The following LRRC4C variants were observed in gnomAD, a reference collection of about 807,000 sequenced individuals.
LRRC4C encodes the protein leucine-rich repeat-containing protein 4C.
Under a neutral mutation model 33.6 loss-of-function variants are expected in LRRC4C, and 5 were observed. That is an observed-to-expected ratio of 0.15 (90% CI 0.08 to 0.31). LRRC4C has a LOEUF of 0.31. LRRC4C is among the 10% of genes least tolerant of loss of function. LRRC4C has a pLI of 1.00. For synonymous variants in LRRC4C, 329 were observed against 302.0 expected (o/e 1.09, Z -0.93); for missense variants, 560 against 796.7 (o/e 0.70, Z 3.58).
intron 3 of LRRC4C, among the ~76,000 whole-genome samples, chr11:40,323,639 G>C (rs1239941493): frequency 6.6e-6 from 1 of 152,170 alleles, no homozygotes; most frequent in Non-Finnish European, 1.5e-5. Context: ...TTATTCTCAT[G>C]TCTGGGGTTG....
intron 5 of LRRC4C, among the ~76,000 whole-genome samples, chr11:40,179,689 A>G (rs1860822617): frequency 6.6e-6 from 1 of 152,170 alleles, no homozygotes; most frequent in Non-Finnish European, 1.5e-5. Flanking sequence ...CAGTTAAATG[A>G]TCACTGAGAG....
intron 1 of LRRC4C, among the ~76,000 whole-genome samples, chr11:41,164,717 T>G (rs1944639795): frequency 6.6e-6 from 1 of 152,272 alleles, no homozygotes; most frequent in South Asian, 2.1e-4. Context: ...TGGGAGAAGC[T>G]GAGGCAGGGC....
At chr11:40,748,909 G>T (rs1266757589) in intron 2 of LRRC4C, among the ~76,000 whole-genome samples, 1 of 151,986 alleles carries the variant, frequency 6.6e-6, no homozygotes, top group Non-Finnish European at 1.5e-5. Context: ...TAATTAAAAA[G>T]GGATCACTGC....
chr11:40,749,251 A>G (rs989954177), intron 2 of LRRC4C, among the ~76,000 whole-genome samples: 3 of 152,158 alleles, frequency 2.0e-5, no homozygotes, highest in African/African-American at 7.2e-5. Context: ...ATTTACTTTA[A>G]GTGAAATCAT....
intron 3 of LRRC4C, among the ~76,000 whole-genome samples, chr11:40,486,674 GAC>G (rs1181212307): frequency 6.6e-6 from 1 of 151,972 alleles, no homozygotes; most frequent in Non-Finnish European, 1.5e-5. Context: ...AAACAATTAT[GAC>G]ACATACAACT....
At chr11:40,415,148 A>T (rs1283950225) in intron 3 of LRRC4C, among the ~76,000 whole-genome samples, 2 of 152,148 alleles carry the variant, frequency 1.3e-5, no homozygotes, top group African/African-American at 4.8e-5. Context: ...TGGCTTAATT[A>T]TGGAGGCATA....
At chr11:40,916,902 A>C (rs1330950830) in intron 2 of LRRC4C, among the ~76,000 whole-genome samples, 1 of 152,072 alleles carries the variant, frequency 6.6e-6, no homozygotes, top group Non-Finnish European at 1.5e-5. Flanking sequence ...ACATGAATTT[A>C]TGCAATTGCA....
At chr11:41,209,142 G>A (rs994676422) in intron 1 of LRRC4C, among the ~76,000 whole-genome samples, 11 of 150,976 alleles carry the variant, frequency 7.3e-5, no homozygotes, top group South Asian at 2.1e-4. Context: ...ACACTAAACC[G>A]CTGAGTCACA....
At chr11:40,840,770 T>A (rs2135639906) in intron 2 of LRRC4C, among the ~76,000 whole-genome samples, 1 of 152,324 alleles carries the variant, frequency 6.6e-6, no homozygotes, top group East Asian at 1.9e-4. Context: ...TTCCAAGGGC[T>A]TATGAATAAA....
chr11:40,450,822 C>T (rs1951849845), intron 3 of LRRC4C, among the ~76,000 whole-genome samples: 1 of 149,574 alleles, frequency 6.7e-6, no homozygotes, highest in African/African-American at 2.4e-5. Flanking sequence ...GCTCTCTAAG[C>T]CCAATGTAAT....
chr11:40,647,635 C>T (rs1033432649), intron 3 of LRRC4C, among the ~76,000 whole-genome samples: 7 of 152,206 alleles, frequency 4.6e-5, no homozygotes, highest in Admixed American at 1.3e-4. Flanking sequence ...CCACATAAAG[C>T]TTTCCGATCT....
chr11:41,437,081 G>A (rs1955452932), intron 1 of LRRC4C, among the ~76,000 whole-genome samples: 1 of 152,110 alleles, frequency 6.6e-6, no homozygotes, highest in African/African-American at 2.4e-5. Flanking sequence ...GTTACTAAAT[G>A]TAACATAACA....
At chr11:40,982,685 A>AG (rs1852628795) in intron 1 of LRRC4C, among the ~76,000 whole-genome samples, 1 of 152,142 alleles carries the variant, frequency 6.6e-6, no homozygotes, top group South Asian at 2.1e-4. Context: ...TTATAACTTA[A>AG]GGGGTACATT....
chr11:40,661,203 G>C (rs1261423007), intron 2 of LRRC4C, among the ~76,000 whole-genome samples: 1 of 151,778 alleles, frequency 6.6e-6, no homozygotes, highest in Non-Finnish European at 1.5e-5. Flanking sequence ...AGGAGATGAT[G>C]CCAATGTGTA....
chr11:40,599,837 G>T (rs1959792718), intron 3 of LRRC4C, among the ~76,000 whole-genome samples: 1 of 152,148 alleles, frequency 6.6e-6, no homozygotes, highest in Non-Finnish European at 1.5e-5. Context: ...TGGAAATGTA[G>T]GGCAGAAATA....
intron 2 of LRRC4C, among the ~76,000 whole-genome samples, chr11:40,879,280 T>C (rs1955054923): frequency 1.3e-5 from 2 of 152,236 alleles, no homozygotes; most frequent in Non-Finnish European, 2.9e-5. Flanking sequence ...CATCACTTGT[T>C]GGAGTGAACC....
intron 5 of LRRC4C, among the ~76,000 whole-genome samples, chr11:40,207,973 C>T (rs1863283684): frequency 6.6e-6 from 1 of 152,140 alleles, no homozygotes; most frequent in South Asian, 2.1e-4. Flanking sequence ...CCACTGCTTC[C>T]TGCCTCTTCA....
chr11:41,279,424 A>ACCCCCCCC, intron 1 of LRRC4C, among the ~76,000 whole-genome samples: 1 of 128,628 alleles, frequency 7.8e-6, no homozygotes, highest in Non-Finnish European at 1.6e-5. Flanking sequence ...ACACACACAC[A>ACCCCCCCC]CACACCGTGG....
intron 3 of LRRC4C, among the ~76,000 whole-genome samples, chr11:40,631,844 A>G (rs1963505922): frequency 6.6e-6 from 1 of 152,206 alleles, no homozygotes; most frequent in Non-Finnish European, 1.5e-5. Context: ...TTTGAGCTTT[A>G]GAAGCTCTGT....
Sources: allele counts gnomAD v4.1 joint callset (sites outside exome capture counted in the v4.1 genomes callset), GRCh38; gene constraint gnomAD v4.1.1; transcripts MANE v1.5; gene names NCBI Gene and HGNC (gene_info 2026-07-23, HGNC 2026-07-21).